CFAP52: variants seen among roughly 807,000 people sequenced by gnomAD.
CFAP52 encodes the protein cilia and flagella associated protein 52.
CFAP52 carries 57 observed loss-of-function variants against 70.5 expected under a neutral mutation model. The ratio of observed to expected loss-of-function variants is 0.81; its 90% CI spans 0.65 to 1.01. CFAP52 has a LOEUF of 1.01. CFAP52 is among the 50% of genes least tolerant of loss of function. CFAP52 has a pLI of 0.00. For synonymous variants in CFAP52, 267 were observed against 292.5 expected (o/e 0.91, Z 0.89); for missense variants, 785 against 788.5 (o/e 1.00, Z 0.05).
At chr17:9,580,699 A>G (rs1197522609) in intron 1 of CFAP52, among the ~76,000 whole-genome samples, 1 of 151,950 alleles carries the variant, frequency 6.6e-6, no homozygotes, top group Non-Finnish European at 1.5e-5. Flanking sequence ...AAAAAAAAAA[A>G]AAAAATGCTG....
intron 11 of CFAP52, among the ~76,000 whole-genome samples, chr17:9,635,963 A>G (rs1910757184): frequency 6.6e-6 from 1 of 152,096 alleles, no homozygotes; most frequent in Admixed American, 6.6e-5. Flanking sequence ...ACCTGAGGTC[A>G]GGAGTTCGAG....
chr17:9,593,072 C>T (rs1222645809), intron 3 of CFAP52, among the ~76,000 whole-genome samples: 2 of 152,090 alleles, frequency 1.3e-5, no homozygotes, highest in African/African-American at 4.8e-5. Flanking sequence ...GATTTCAGAC[C>T]AATGTGATAA....
rs113409503 is a variant in CFAP52, at chr17:9,623,110, T to C, written c.1026-5562T>C. The stretch of plus-strand genomic sequence containing the variant: ...TTTCTCACAGTTTTTGTTTTGCATA[T>C]CTTAAAGCTCTGTTATTAGGTGCTG... On this transcript the variant is annotated intron_variant, in intron 8 of 13. Coordinates refer to ENST00000352665, the MANE Select transcript of CFAP52 (RefSeq NM_145054.5). 9.1e-4 allele frequency among the ~76,000 whole-genome samples: 139 copies of C among 152,314 alleles called. 1 individual carries two copies. The highest frequency in any genetic ancestry group is 3.2e-3 in the African/African-American group (134 of 41,580).
At chr17:9,608,893 A>G (rs1909611104) in intron 7 of CFAP52, among the ~76,000 whole-genome samples, 1 of 152,236 alleles carries the variant, frequency 6.6e-6, no homozygotes, top group Non-Finnish European at 1.5e-5. Context: ...TAAGGTATGT[A>G]CACACGAAAG....
At chr17:9,581,646 A>G (rs1908233061) in intron 1 of CFAP52, among the ~76,000 whole-genome samples, 2 of 152,134 alleles carry the variant, frequency 1.3e-5, no homozygotes, top group African/African-American at 4.8e-5. Context: ...GAGAGCAAAG[A>G]ATATGAATTG....
chr17:9,598,500 G>A (rs911089995), intron 5 of CFAP52, 167 bp downstream of exon 5: 17 of 502,254 alleles, frequency 3.4e-5, no homozygotes, highest in Non-Finnish European at 4.5e-5. Flanking sequence ...AGTGGCTCAC[G>A]CCTGTAATCC....
At chr17:9,586,455 C>T (rs113471796) in intron 2 of CFAP52, among the ~76,000 whole-genome samples, 3,536 of 151,606 alleles carry the variant, frequency 0.023, 137 homozygotes, top group African/African-American at 0.081. Flanking sequence ...CCCAGCTACT[C>T]GGGAGGCTGA....
At chr17:9,634,287 T>C (rs780998872) in intron 10 of CFAP52, among the ~76,000 whole-genome samples, 42 of 152,192 alleles carry the variant, frequency 2.8e-4, no homozygotes, top group Non-Finnish European at 5.3e-4. Flanking sequence ...ATAGGCACTA[T>C]AAGAAGGCGT....
chr17:9,635,295 TA>T lies in CFAP52; in HGVS notation c.1321-103del, dbSNP rs113018738. On this transcript the variant is annotated intron_variant, in intron 10 of 13. Transcript: ENST00000352665. Reference sequence around the variant, plus strand: ...CCCAACCGAGACAAAGACAGGGAATTAAAAAAACACAAATCAAGCATAGCAA... The same window carrying T: ...CCCAACCGAGACAAAGACAGGGAATTAAAAAACACAAATCAAGCATAGCAA... 3.0e-3 allele frequency: 4,454 copies of T among 1,476,584 alleles called. 135 individuals are homozygous for T. In the African/African-American group the frequency reaches 0.056, roughly 18 times the overall value. The allele number at this position is 1,476,584 out of a possible 1,614,324, so 91.5% of individuals were successfully genotyped here.
At chr17:9,613,718 C>G (rs1048404342) in intron 8 of CFAP52, among the ~76,000 whole-genome samples, 4 of 151,976 alleles carry the variant, frequency 2.6e-5, no homozygotes, top group Non-Finnish European at 4.4e-5. Flanking sequence ...GGGGTTTCAC[C>G]TTGTTGGCCA....
At chr17:9,614,145 T>TTTTC (rs1909817646) in intron 8 of CFAP52, among the ~76,000 whole-genome samples, 2 of 138,408 alleles carry the variant, frequency 1.4e-5, no homozygotes, top group South Asian at 4.5e-4. Context: ...TTTCTTTTTC[T>TTTTC]TTTCTTTCTT....
At chr17:9,583,510 A>G (rs776962700) in intron 1 of CFAP52, among the ~76,000 whole-genome samples, 10 of 152,154 alleles carry the variant, frequency 6.6e-5, no homozygotes, top group Non-Finnish European at 1.5e-4. Flanking sequence ...TGTAATAAGA[A>G]ATGAGTGAGA....
chr17:9,586,229 G>A (rs1908468595), intron 2 of CFAP52, among the ~76,000 whole-genome samples: 1 of 152,068 alleles, frequency 6.6e-6, no homozygotes, highest in Admixed American at 6.6e-5. Flanking sequence ...TTTCCATTGT[G>A]TTGCTGTCAT....
At chr17:9,596,983 G>T (rs1032202615) in intron 4 of CFAP52, among the ~76,000 whole-genome samples, 6 of 152,114 alleles carry the variant, frequency 3.9e-5, no homozygotes, top group Non-Finnish European at 7.4e-5. Context: ...CTCCCAAAGT[G>T]CTGGGATTAC....
intron 8 of CFAP52, among the ~76,000 whole-genome samples, chr17:9,616,313 C>G (rs1190342193): frequency 7.9e-6 from 1 of 126,966 alleles, no homozygotes; most frequent in Non-Finnish European, 1.6e-5. Flanking sequence ...CGGCGCACCA[C>G]GAGACTATAT....
chr17:9,640,030 A>T (rs1910981182), intron 12 of CFAP52, among the ~76,000 whole-genome samples: 1 of 152,156 alleles, frequency 6.6e-6, no homozygotes, highest in South Asian at 2.1e-4. Flanking sequence ...TGTTAACATG[A>T]TCAAGCATCA....
intron 8 of CFAP52, among the ~76,000 whole-genome samples, chr17:9,625,287 G>A (rs1182284540): frequency 6.6e-6 from 1 of 151,736 alleles, no homozygotes; most frequent in Non-Finnish European, 1.5e-5. Flanking sequence ...ATATAATTTA[G>A]CTACCCAGCA....
intron 4 of CFAP52, among the ~76,000 whole-genome samples, chr17:9,595,835 A>G (rs1411450679): frequency 1.3e-5 from 2 of 151,444 alleles, no homozygotes; most frequent in East Asian, 3.9e-4. Context: ...ATGTCCTGCA[A>G]GTTTAAGTAT....
intron 6 of CFAP52, among the ~76,000 whole-genome samples, chr17:9,601,562 A>T (rs1019427648): frequency 3.3e-5 from 5 of 152,148 alleles, no homozygotes; most frequent in Admixed American, 1.3e-4. Context: ...TATATATATA[A>T]TTTTTGTCTA....
Sources: allele counts gnomAD v4.1 joint callset (sites outside exome capture counted in the v4.1 genomes callset), GRCh38; gene constraint gnomAD v4.1.1; transcripts MANE v1.5; gene names NCBI Gene and HGNC (gene_info 2026-07-23, HGNC 2026-07-21).